Variants in ENPP6 observed in about 807,000 individuals in gnomAD.
The protein encoded by ENPP6 is ectonucleotide pyrophosphatase/phosphodiesterase 6.
In ENPP6, 32 loss-of-function variants were observed where a neutral mutation model predicts 42.0. The ratio of observed to expected loss-of-function variants is 0.76; its 90% CI spans 0.58 to 1.02. ENPP6 has a LOEUF of 1.02. Among genes scored for constraint, ENPP6 ranks in the 50% least tolerant of loss-of-function variants. The pLI is 0.00. For missense variants in ENPP6, 552 were observed against 566.8 expected (o/e 0.97, Z 0.27); for synonymous variants, 213 against 216.0 (o/e 0.99, Z 0.12).
intron 6 of ENPP6, among the ~76,000 whole-genome samples, chr4:184,105,750 A>G (rs377766525): frequency 2.0e-5 from 3 of 152,180 alleles, no homozygotes; most frequent in African/African-American, 7.2e-5. Flanking sequence ...AACTTTTGGG[A>G]GGGCCATAGG....
At chr4:184,109,483 G>A (rs950302460) in intron 6 of ENPP6, among the ~76,000 whole-genome samples, 2 of 152,126 alleles carry the variant, frequency 1.3e-5, no homozygotes, top group African/African-American at 4.8e-5. Flanking sequence ...CTACGGATCC[G>A]GGCGTGATAC....
rs942989159 is a variant in ENPP6 at position 184,184,890 on chromosome 4, G to T, written c.242-31157C>A. 2.6e-5 allele frequency among the ~76,000 whole-genome samples: 4 copies of T among 152,084 alleles called. No homozygotes were observed. The highest frequency in any genetic ancestry group is 4.8e-5 in the African/African-American group (2 of 41,398). On this transcript the variant is annotated intron_variant, in intron 1 of 7. Coordinates refer to ENST00000296741, the MANE Select transcript of ENPP6 (RefSeq NM_153343.4). This position sits in a 1 kb window ranked among gnomAD's most constrained non-coding sequence, Gnocchi z 4.7. ...CGATTCCTGTTGTCTGAGCCACCCAGCGTGTGGAGTGTGTGACAGCAGCCC... is the reference window on the plus strand; with the variant it reads ...CGATTCCTGTTGTCTGAGCCACCCATCGTGTGGAGTGTGTGACAGCAGCCC...
chr4:184,144,030 T>A (rs991205380), intron 2 of ENPP6, among the ~76,000 whole-genome samples: 1 of 152,088 alleles, frequency 6.6e-6, no homozygotes, highest in African/African-American at 2.4e-5. Context: ...CAGACTCAGC[T>A]AGGAAAGGTG....
chr4:184,097,100 T>C (rs1735923687), intron 7 of ENPP6, 145 bp downstream of exon 7: 4 of 1,223,582 alleles, frequency 3.3e-6, no homozygotes, highest in Non-Finnish European at 1.1e-6. Flanking sequence ...AGATGTTTCA[T>C]GGAGACCGGC....
Position 184,162,428 on chromosome 4 carries a change from A to G in ENPP6, c.242-8695T>C, listed in dbSNP as rs549349644. Among the ~76,000 whole-genome samples the G allele has an allele frequency of 2.0e-5, 3 of 152,352 alleles. No individual in the cohort carries two copies. In the South Asian group the frequency reaches 6.2e-4, roughly 32 times the overall value. ...TGCTTTTTCTACAAAGACAACTTCA[A>G]TAATCTATTAAATGGGAGAGTAAGT... On this transcript the variant is annotated intron_variant, in intron 1 of 7. Transcript: ENST00000296741.
At chr4:184,178,815 CAA>C (rs1489804990) in intron 1 of ENPP6, among the ~76,000 whole-genome samples, 1 of 152,168 alleles carries the variant, frequency 6.6e-6, no homozygotes, top group Non-Finnish European at 1.5e-5. Flanking sequence ...TCTGTTTGGA[CAA>C]ACAAATGCTG....
chr4:184,094,637 C>T (rs1230199981), intron 7 of ENPP6, among the ~76,000 whole-genome samples: 2 of 152,244 alleles, frequency 1.3e-5, no homozygotes, highest in Admixed American at 6.5e-5. Flanking sequence ...AAGTTATCCT[C>T]GCGTGTTTAC....
intron 1 of ENPP6, among the ~76,000 whole-genome samples, chr4:184,174,740 A>G (rs1737533645): frequency 6.6e-6 from 1 of 152,260 alleles, no homozygotes; most frequent in South Asian, 2.1e-4. Flanking sequence ...CTTGAGTTTG[A>G]TGGCCCATGT....
At chr4:184,181,537 A>G (rs1380229323) in intron 1 of ENPP6, among the ~76,000 whole-genome samples, 1 of 152,254 alleles carries the variant, frequency 6.6e-6, no homozygotes, top group East Asian at 1.9e-4. Context: ...GAACCAAAAA[A>G]GAGCCTGAAT....
At chr4:184,164,212 A>C (rs1692305647) in intron 1 of ENPP6, among the ~76,000 whole-genome samples, 1 of 152,030 alleles carries the variant, frequency 6.6e-6, no homozygotes. Flanking sequence ...GATTCATGAT[A>C]CTCTCCGGGC....
intron 1 of ENPP6, among the ~76,000 whole-genome samples, chr4:184,183,901 A>G (rs1732592967): frequency 6.6e-6 from 1 of 152,210 alleles, no homozygotes; most frequent in Admixed American, 6.5e-5. Context: ...CAGAAGTGAA[A>G]TGCACCATTT....
intron 1 of ENPP6, among the ~76,000 whole-genome samples, chr4:184,180,475 T>G (rs886788638): frequency 2.6e-5 from 4 of 152,248 alleles, no homozygotes; most frequent in Non-Finnish European, 5.9e-5. Flanking sequence ...TTCCAAACAA[T>G]TGGAAAGGAG....
At chr4:184,154,421 T>C (rs910716278) in intron 1 of ENPP6, among the ~76,000 whole-genome samples, 2 of 152,206 alleles carry the variant, frequency 1.3e-5, no homozygotes, top group African/African-American at 4.8e-5. Context: ...TTTGGAGCAA[T>C]CTGTTACATC....
chr4:184,127,862 AATAATCTG>A, intron 2 of ENPP6, among the ~76,000 whole-genome samples: 1 of 152,246 alleles, frequency 6.6e-6, no homozygotes, highest in Non-Finnish European at 1.5e-5. Flanking sequence ...TTTTTAAAGT[AATAATCTG>A]GGTCTAAAGT....
At chr4:184,162,920 G>T (rs1182195605) in intron 1 of ENPP6, among the ~76,000 whole-genome samples, 2 of 152,060 alleles carry the variant, frequency 1.3e-5, no homozygotes, top group African/African-American at 4.8e-5. Flanking sequence ...TGGCAGCAGC[G>T]TGCCATTACC....
At chr4:184,186,769 G>A (rs962816127) in intron 1 of ENPP6, among the ~76,000 whole-genome samples, 2 of 152,192 alleles carry the variant, frequency 1.3e-5, no homozygotes, top group African/African-American at 2.4e-5. Context: ...TTGCCCCGCC[G>A]TGGCCTGGGC....
At chr4:184,176,344 C>T (rs1333899298) in intron 1 of ENPP6, among the ~76,000 whole-genome samples, 1 of 152,198 alleles carries the variant, frequency 6.6e-6, no homozygotes, top group Admixed American at 6.5e-5. Context: ...GCTTAATCCT[C>T]ACACCATCGC....
At position 184,217,632 on chromosome 4, in the gene ENPP6, A is replaced by G; in HGVS notation, c.188T>C (p.Leu63Ser). Residue 63 changes from leucine (L) to serine (S), a missense_variant, in exon 1 of 8, where the codon TTG becomes TCG. This residue lies in a region of ENPP6 where 545 missense variants were observed against 546.3 expected (regional missense o/e 1.00). Transcript: ENST00000296741. ...CGAGAGACTAGGGAAGTCTGGAGTC[A>G]AGTAATCCACTTTTACTCCCCTGCT... ...IVSRGVKVDY[L>S]TPDFPSLSYP... 5 of 1,614,250 alleles carry G rather than the reference A, an allele frequency of 3.1e-6. No homozygotes were observed. The highest frequency in any genetic ancestry group is 4.2e-6 in the Non-Finnish European group (5 of 1,180,044).
rs201732875 is a variant in ENPP6, at chr4:184,116,869, C to T, written c.842G>A (p.Gly281Glu). The T allele has an allele frequency of 6.2e-7, 1 of 1,613,584 alleles. No individual in the cohort carries two copies. Among genetic ancestry groups the T allele is most frequent in the Non-Finnish European group, 8.5e-7 (1 of 1,179,944 alleles). The change falls in exon 5 of 8, where the codon GGG becomes GAG. Residue 281 changes from glycine to glutamate, a missense_variant. Gly to Glu is a moderately conservative substitution (Grantham distance 98). Coordinates refer to ENST00000296741, the MANE Select transcript of ENPP6 (RefSeq NM_153343.4). The part of the protein sequence containing the change: ...GPVVSLWPAP[G>E]KHSEIYNKLS... The stretch of plus-strand genomic sequence containing the variant: ...GGTCTGTCTTGCCTCAGAGTGTTTC[C>T]CAGGGGCCGGCCAAAGGCTCACAAC...
Sources: allele counts gnomAD v4.1 joint callset (sites outside exome capture counted in the v4.1 genomes callset), GRCh38; gene constraint gnomAD v4.1.1; regional missense constraint gnomAD v4.1.1; non-coding constraint Gnocchi (gnomAD v3.1); transcripts MANE v1.5; gene names NCBI Gene and HGNC (gene_info 2026-07-23, HGNC 2026-07-21).